Variants in SMOC2 observed in about 807,000 individuals in gnomAD.
SMOC2 encodes SPARC related modular calcium binding 2, also known as SPARC-related modular calcium-binding protein 2.
In SMOC2, 39 loss-of-function variants were observed where a neutral mutation model predicts 61.4. That is an observed-to-expected ratio of 0.64 (90% CI 0.49 to 0.83). The LOEUF is 0.83. Ranked by LOEUF, SMOC2 falls within the 40% of genes least tolerant of loss-of-function variation. The probability of loss-of-function intolerance (pLI) is 0.00; values close to 1 mark genes in which losing one functional copy is unlikely to be tolerated. For synonymous variants in SMOC2, 247 were observed against 239.9 expected, an observed-to-expected ratio of 1.03 and a Z score of -0.27; for missense variants, 556 against 592.9, an observed-to-expected ratio of 0.94 and a Z score of 0.65.
intron 9 of SMOC2, among the ~76,000 whole-genome samples, chr6:168,639,247 C>A (rs1231997851): frequency 6.6e-6 from 1 of 152,204 alleles, no homozygotes; most frequent in African/African-American, 2.4e-5. Flanking sequence ...AAAGTTACTT[C>A]CAAAATGTAG....
At chr6:168,519,541 C>T (rs751080594) in intron 2 of SMOC2, among the ~76,000 whole-genome samples, 9 of 152,142 alleles carry the variant, frequency 5.9e-5, no homozygotes, top group African/African-American at 1.2e-4. Context: ...TCAGGGCCTT[C>T]GGTCTCGTGT....
In SMOC2 at chr6:168,441,294, C is replaced by G. The variant is rs1415759459; in HGVS notation, c.-77C>G. ...CTCCACGCGCCCGCCCAGCCGCGCTCGCCCACTGGGCTCTCCCGGCTGCAG... is the reference window on the plus strand; with the variant it reads ...CTCCACGCGCCCGCCCAGCCGCGCTGGCCCACTGGGCTCTCCCGGCTGCAG... On this transcript the variant is annotated 5_prime_UTR_variant, in exon 1 of 13. Transcript: ENST00000356284. 2 of 1,437,114 alleles carry G rather than the reference C, an allele frequency of 1.4e-6. No individual in the cohort carries two copies. The highest frequency in any genetic ancestry group is 1.5e-5 in the African/African-American group (1 of 66,748). 89.0% of individuals were successfully genotyped at this position (1,437,114 alleles called of 1,614,324 possible).
At chr6:168,662,786 T>C (rs886261205) in intron 11 of SMOC2, among the ~76,000 whole-genome samples, 1 of 152,118 alleles carries the variant, frequency 6.6e-6, no homozygotes, top group African/African-American at 2.4e-5. Flanking sequence ...GGATAGACTT[T>C]GGGTGTAGAG....
At chr6:168,637,975 C>G (rs1169750842) in intron 9 of SMOC2, among the ~76,000 whole-genome samples, 1 of 151,674 alleles carries the variant, frequency 6.6e-6, no homozygotes, top group Non-Finnish European at 1.5e-5. Flanking sequence ...GTGCCCCTGC[C>G]CCGCCCCTGC....
chr6:168,614,326 C>T (rs1255008830), intron 9 of SMOC2, among the ~76,000 whole-genome samples: 1 of 72,588 alleles, frequency 1.4e-5, no homozygotes, highest in Non-Finnish European at 2.7e-5. Flanking sequence ...AGGGCCTCTT[C>T]ATACCTACAG....
intron 7 of SMOC2, among the ~76,000 whole-genome samples, chr6:168,595,807 A>G (rs1003827889): frequency 6.6e-6 from 1 of 152,216 alleles, no homozygotes; most frequent in African/African-American, 2.4e-5. Context: ...GATTTAATCC[A>G]TCTTATTTTG....
chr6:168,620,936 C>T (rs141601252), intron 9 of SMOC2, among the ~76,000 whole-genome samples: 4 of 152,178 alleles, frequency 2.6e-5, no homozygotes, highest in South Asian at 4.1e-4. Context: ...ATGCATCAGC[C>T]GCGTGTCAAA....
intron 1 of SMOC2, among the ~76,000 whole-genome samples, chr6:168,476,298 G>T (rs1782083047): frequency 6.6e-6 from 1 of 152,094 alleles, no homozygotes; most frequent in Non-Finnish European, 1.5e-5. Flanking sequence ...TAATCACTGA[G>T]TAGACGAGAA....
chr6:168,462,508 G>A (rs1781739126), intron 1 of SMOC2, among the ~76,000 whole-genome samples: 1 of 151,792 alleles, frequency 6.6e-6, no homozygotes, highest in African/African-American at 2.4e-5. Context: ...CAGGAGGGTG[G>A]TCCCCTGTCC....
intron 1 of SMOC2, among the ~76,000 whole-genome samples, chr6:168,450,087 G>A (rs888270606): frequency 6.6e-6 from 1 of 152,150 alleles, no homozygotes; most frequent in Non-Finnish European, 1.5e-5. Flanking sequence ...AAAAAGAAAA[G>A]GAAGGAGAGA....
intron 11 of SMOC2, among the ~76,000 whole-genome samples, chr6:168,661,810 AC>A (rs1486789003): frequency 6.6e-6 from 1 of 152,208 alleles, no homozygotes; most frequent in Non-Finnish European, 1.5e-5. Flanking sequence ...TTGAATTTGA[AC>A]CGTTGGCTGA....
chr6:168,615,228 G>A (rs369553363), intron 9 of SMOC2, among the ~76,000 whole-genome samples: 118 of 58,038 alleles, frequency 2.0e-3, no homozygotes, highest in Admixed American at 2.9e-3. Flanking sequence ...CAGCCAGCAC[G>A]GGGCCTCTTC....
chr6:168,608,047 A>T (rs1785756404), intron 8 of SMOC2, 110 bp from the exon 9 acceptor site: 9 of 916,714 alleles, frequency 9.8e-6, no homozygotes, highest in Non-Finnish European at 1.5e-5. Context: ...TCAGAGCCAC[A>T]GGTCACGGTG....
chr6:168,554,780 C>T (rs1012137363), intron 7 of SMOC2, among the ~76,000 whole-genome samples: 1 of 152,198 alleles, frequency 6.6e-6, no homozygotes, highest in Non-Finnish European at 1.5e-5. Context: ...CATGCTGCCA[C>T]AGGGCTTTGC....
intron 7 of SMOC2, among the ~76,000 whole-genome samples, chr6:168,556,336 A>G (rs1013069258): frequency 2.0e-5 from 3 of 152,138 alleles, no homozygotes; most frequent in Non-Finnish European, 4.4e-5. Context: ...GTGCGGGAGC[A>G]GCCTTGGGAT....
chr6:168,659,663 A>ATT (rs1787438729), intron 11 of SMOC2, among the ~76,000 whole-genome samples: 408 of 79,376 alleles, frequency 5.1e-3, no homozygotes, highest in Non-Finnish European at 5.7e-3. Context: ...TGGAGGTTGT[A>ATT]GGCTGGGTGA....
chr6:168,558,684 A>G (rs938730299), intron 7 of SMOC2, among the ~76,000 whole-genome samples: 2 of 152,230 alleles, frequency 1.3e-5, no homozygotes, highest in Non-Finnish European at 2.9e-5. Context: ...AGGTGTGCAC[A>G]TCGAGCTTGG....
chr6:168,508,787 C>A (rs936857626), intron 1 of SMOC2, among the ~76,000 whole-genome samples: 1 of 152,262 alleles, frequency 6.6e-6, no homozygotes, highest in African/African-American at 2.4e-5. Flanking sequence ...GCCCCGCTCA[C>A]GTGCACACCA....
chr6:168,665,930 C>T (rs1400481081), intron 12 of SMOC2, among the ~76,000 whole-genome samples: 3 of 150,918 alleles, frequency 2.0e-5, no homozygotes, highest in Admixed American at 6.6e-5. Context: ...TTCTAAATTA[C>T]TTTTAATTGA....
Sources: allele counts gnomAD v4.1 joint callset (sites outside exome capture counted in the v4.1 genomes callset), GRCh38; gene constraint gnomAD v4.1.1; transcripts MANE v1.5; gene names NCBI Gene and HGNC (gene_info 2026-07-23, HGNC 2026-07-21).